The following ZEB1 variants were observed in gnomAD, a reference collection of about 807,000 sequenced individuals.
The protein encoded by ZEB1 is zinc finger E-box-binding homeobox 1.
A neutral mutation model predicts 84.9 loss-of-function variants in ZEB1; 21 were observed. The ratio of observed to expected loss-of-function variants is 0.25; its 90% CI spans 0.18 to 0.36. The LOEUF is 0.36. Among genes scored for constraint, ZEB1 ranks in the 10% least tolerant of loss-of-function variants. The pLI is 1.00. For synonymous variants in ZEB1, 420 were observed against 471.1 expected (o/e 0.89, Z 1.41); for missense variants, 1,104 against 1,330.2 (o/e 0.83, Z 2.65).
At chr10:31,431,495 T>C (rs1219225828) in intron 1 of ZEB1, among the ~76,000 whole-genome samples, 4 of 152,206 alleles carry the variant, frequency 2.6e-5, no homozygotes, top group African/African-American at 7.2e-5. Flanking sequence ...GATCCTAGTA[T>C]GTAAAAATCT....
intron 1 of ZEB1, among the ~76,000 whole-genome samples, chr10:31,339,744 CAGAG>C (rs1435753599): frequency 1.7e-4 from 25 of 149,206 alleles, no homozygotes; most frequent in African/African-American, 5.5e-4. Flanking sequence ...ACTCCAGCGA[CAGAG>C]AGAGACTCTG....
At chr10:31,441,478 A>G (rs1386581418) in intron 1 of ZEB1, among the ~76,000 whole-genome samples, 1 of 152,218 alleles carries the variant, frequency 6.6e-6, no homozygotes, top group African/African-American at 2.4e-5. Context: ...AGGCAATACC[A>G]TTCAGGACAT....
At chr10:31,410,464 T>C (rs564334292) in intron 1 of ZEB1, among the ~76,000 whole-genome samples, 1 of 152,346 alleles carries the variant, frequency 6.6e-6, no homozygotes, top group South Asian at 2.1e-4. Flanking sequence ...CCTGAAATTC[T>C]CTTTTTTTGT....
chr10:31,486,398 A>G (rs918060782), intron 2 of ZEB1, among the ~76,000 whole-genome samples: 1 of 151,596 alleles, frequency 6.6e-6, no homozygotes, highest in South Asian at 2.1e-4. Flanking sequence ...GTTTTATCAG[A>G]TATTTTTTAC....
intron 1 of ZEB1, among the ~76,000 whole-genome samples, chr10:31,332,411 G>A (rs890639236): frequency 2.0e-5 from 3 of 152,124 alleles, no homozygotes; most frequent in African/African-American, 7.2e-5. Flanking sequence ...TATCAATTAT[G>A]GCTCTCCAAA....
upstream of ZEB1, chr10:31,318,882 G>A (rs2032875453): frequency 2.7e-6 from 1 of 369,476 alleles, no homozygotes; most frequent in Non-Finnish European, 5.2e-6. Context: ...ACGCCGCCGA[G>A]CCTCCAACTT....
chr10:31,495,712 A>G, intron 2 of ZEB1, 64 bp from the exon 3 acceptor site: 1 of 1,574,274 alleles, frequency 6.4e-7, no homozygotes, highest in Non-Finnish European at 8.7e-7. Context: ...AAAACTTTAA[A>G]CATTTGTCTT....
chr10:31,490,108 A>AT (rs888807660), intron 2 of ZEB1, among the ~76,000 whole-genome samples: 1 of 150,984 alleles, frequency 6.6e-6, no homozygotes, highest in East Asian at 1.9e-4. Flanking sequence ...TCTTTTTAGT[A>AT]TTTTTTTAAA....
chr10:31,524,122 G>A lies in ZEB1; in HGVS notation c.2785+9G>A. ...TAAATATGAACACACAGGTATGTCA[G>A]TGAACACAAACATAAAGTGTCCATG... On this transcript the variant is annotated intron_variant, in intron 8 of 8. Coordinates refer to ENST00000424869, the MANE Select transcript of ZEB1 (RefSeq NM_001174096.2). The A allele has an allele frequency of 6.2e-7, 1 of 1,612,512 alleles. No individual in the cohort carries two copies. The highest frequency in any genetic ancestry group is 1.3e-5 in the African/African-American group (1 of 74,974).
intron 1 of ZEB1, among the ~76,000 whole-genome samples, chr10:31,368,746 A>G (rs1235231229): frequency 6.6e-6 from 1 of 152,178 alleles, no homozygotes; most frequent in East Asian, 1.9e-4. Context: ...AAATGATAAG[A>G]ATATTTTGTT....
chr10:31,457,098 A>G (rs1325701842), intron 1 of ZEB1, among the ~76,000 whole-genome samples: 1 of 152,170 alleles, frequency 6.6e-6, no homozygotes, highest in Non-Finnish European at 1.5e-5. Flanking sequence ...TGCTTTCTTC[A>G]TATTTTAATT....
chr10:31,508,057 T>C (rs575385429), intron 4 of ZEB1, among the ~76,000 whole-genome samples: 9 of 152,272 alleles, frequency 5.9e-5, no homozygotes, highest in East Asian at 3.9e-4. Context: ...TCGTTATAAA[T>C]AGTGTGAGTA....
chr10:31,373,954 C>CT (rs1434529308), intron 1 of ZEB1, among the ~76,000 whole-genome samples: 2 of 151,506 alleles, frequency 1.3e-5, no homozygotes, highest in African/African-American at 4.8e-5. Flanking sequence ...CTGCATATCC[C>CT]TTTTTTTGGG....
intron 1 of ZEB1, among the ~76,000 whole-genome samples, chr10:31,455,140 C>A (rs1161282281): frequency 6.6e-6 from 1 of 152,150 alleles, no homozygotes; most frequent in African/African-American, 2.4e-5. Flanking sequence ...TTTGACAAAC[C>A]TGACACAAAC....
chr10:31,379,851 C>G (rs911349932), intron 1 of ZEB1, among the ~76,000 whole-genome samples: 1 of 152,124 alleles, frequency 6.6e-6, no homozygotes, highest in Non-Finnish European at 1.5e-5. Flanking sequence ...TTTTCCTCAA[C>G]TATTTTTAAA....
intron 1 of ZEB1, among the ~76,000 whole-genome samples, chr10:31,440,120 G>T (rs2058745330): frequency 6.6e-6 from 1 of 152,126 alleles, no homozygotes; most frequent in African/African-American, 2.4e-5. Flanking sequence ...TTCCAGAGTA[G>T]ATGCATGGGA....
At chr10:31,325,428 A>T (rs2035246752) in intron 1 of ZEB1, among the ~76,000 whole-genome samples, 1 of 152,038 alleles carries the variant, frequency 6.6e-6, no homozygotes, top group Non-Finnish European at 1.5e-5. Context: ...CGTTCCCTCT[A>T]TACATAGGGA....
intron 1 of ZEB1, among the ~76,000 whole-genome samples, chr10:31,421,341 A>T (rs989702305): frequency 1.3e-5 from 2 of 152,124 alleles, no homozygotes; most frequent in African/African-American, 4.8e-5. Flanking sequence ...ATGGGTTGGG[A>T]CAACCATGTG....
intron 1 of ZEB1, among the ~76,000 whole-genome samples, chr10:31,396,556 A>G (rs2050760795): frequency 6.6e-6 from 1 of 152,202 alleles, no homozygotes; most frequent in Non-Finnish European, 1.5e-5. Flanking sequence ...AAAATACAGC[A>G]TATATTGGCA....
Sources: allele counts gnomAD v4.1 joint callset (sites outside exome capture counted in the v4.1 genomes callset), GRCh38; gene constraint gnomAD v4.1.1; transcripts MANE v1.5; gene names NCBI Gene and HGNC (gene_info 2026-07-23, HGNC 2026-07-21).